The following DDX10 variants were observed in gnomAD, a reference collection of about 807,000 sequenced individuals.
DDX10 encodes the protein DEAD-box helicase 10.
In DDX10, 74 loss-of-function variants were observed where a neutral mutation model predicts 104.3. That is an observed-to-expected ratio of 0.71 (90% CI 0.59 to 0.86). DDX10 has a LOEUF of 0.86. Among genes scored for constraint, DDX10 ranks in the 40% least tolerant of loss-of-function variants. DDX10 has a pLI of 0.00. For missense variants in DDX10, 952 were observed against 1,040.0 expected (o/e 0.92, Z 1.16); for synonymous variants, 351 against 353.4 (o/e 0.99, Z 0.08).
At chr11:108,756,659 A>T (rs1736041048) in intron 13 of DDX10, among the ~76,000 whole-genome samples, 1 of 152,058 alleles carries the variant, frequency 6.6e-6, no homozygotes, top group Admixed American at 6.6e-5. Context: ...AGAGCTGTGT[A>T]TAATTTTCCG....
intron 13 of DDX10, among the ~76,000 whole-genome samples, chr11:108,765,133 T>C (rs1407042807): frequency 6.6e-6 from 1 of 152,190 alleles, no homozygotes; most frequent in African/African-American, 2.4e-5. Flanking sequence ...TAATCTACAG[T>C]AACATTATTT....
chr11:108,757,934 T>C (rs1283697819), intron 13 of DDX10, among the ~76,000 whole-genome samples: 1 of 152,100 alleles, frequency 6.6e-6, no homozygotes, highest in Admixed American at 6.6e-5. Flanking sequence ...TTCCACTTCA[T>C]TGACCTGGCA....
At chr11:108,684,139 TTC>T (rs1320773047) in intron 6 of DDX10, among the ~76,000 whole-genome samples, 2 of 85,790 alleles carry the variant, frequency 2.3e-5, no homozygotes, top group East Asian at 6.9e-4. Context: ...CTATTTCCAG[TTC>T]TTTTTTTTTT....
At chr11:108,776,034 T>A (rs566707048) in intron 13 of DDX10, among the ~76,000 whole-genome samples, 2 of 152,326 alleles carry the variant, frequency 1.3e-5, no homozygotes, top group South Asian at 2.1e-4. Context: ...TACAGCAATA[T>A]GTTTAGCTGT....
chr11:108,755,709 T>G (rs771733908), intron 13 of DDX10, among the ~76,000 whole-genome samples: 13 of 152,038 alleles, frequency 8.6e-5, no homozygotes, highest in Admixed American at 2.0e-4. Context: ...GTGAAATGGT[T>G]CACAACGTTG....
intron 13 of DDX10, among the ~76,000 whole-genome samples, chr11:108,816,634 C>T (rs919808507): frequency 1.2e-4 from 18 of 150,450 alleles, no homozygotes; most frequent in Admixed American, 8.7e-4. Flanking sequence ...CTCACTGCAA[C>T]GTCTGCCTCC....
intron 17 of DDX10, among the ~76,000 whole-genome samples, chr11:108,923,602 G>A (rs1421666075): frequency 6.6e-6 from 1 of 152,172 alleles, no homozygotes; most frequent in East Asian, 1.9e-4. Context: ...CATTAAACAG[G>A]AAACATATCT....
intron 16 of DDX10, among the ~76,000 whole-genome samples, chr11:108,916,145 G>A (rs1321617704): frequency 6.6e-6 from 1 of 152,082 alleles, no homozygotes; most frequent in East Asian, 1.9e-4. Flanking sequence ...GTGTAAAGGT[G>A]TCCTGAGACC....
At chr11:108,727,253 T>G (rs2094306437) in intron 13 of DDX10, among the ~76,000 whole-genome samples, 1 of 152,076 alleles carries the variant, frequency 6.6e-6, no homozygotes, top group South Asian at 2.1e-4. Flanking sequence ...TTTGAATCTC[T>G]TTTTGATTCC....
At chr11:108,719,742 C>G (rs768423035) in intron 11 of DDX10, 55 bp from the exon 12 acceptor site, 142 of 1,141,002 alleles carry the variant, frequency 1.2e-4, no homozygotes, top group Non-Finnish European at 1.6e-4. Flanking sequence ...ATATTTTGGT[C>G]TAAACTCATT....
At chr11:108,877,178 G>C (rs955455980) in intron 16 of DDX10, among the ~76,000 whole-genome samples, 4 of 152,124 alleles carry the variant, frequency 2.6e-5, no homozygotes, top group African/African-American at 9.7e-5. Context: ...TGTTTTTATA[G>C]ACTATATTTA....
intron 17 of DDX10, among the ~76,000 whole-genome samples, chr11:108,935,023 C>G (rs569348543): frequency 1.3e-5 from 2 of 152,090 alleles, no homozygotes; most frequent in Non-Finnish European, 2.9e-5. Flanking sequence ...TTTGAACAAC[C>G]CTAACCGTCA....
intron 13 of DDX10, among the ~76,000 whole-genome samples, chr11:108,837,916 C>T (rs1357825163): frequency 6.6e-6 from 1 of 152,108 alleles, no homozygotes. Context: ...AGCCACCATG[C>T]TCGGCCTGGA....
At chr11:108,874,047 G>A (rs957780151) in intron 16 of DDX10, among the ~76,000 whole-genome samples, 3 of 152,136 alleles carry the variant, frequency 2.0e-5, no homozygotes, top group African/African-American at 2.4e-5. Flanking sequence ...CAAGATTGCC[G>A]TGAGTCAGAA....
At chr11:108,851,013 T>A (rs1433860459) in intron 15 of DDX10, among the ~76,000 whole-genome samples, 1 of 152,194 alleles carries the variant, frequency 6.6e-6, no homozygotes, top group Admixed American at 6.5e-5. Context: ...TCTGAACTAC[T>A]TCTGTTGGTA....
At chr11:108,864,671 G>C (rs1183789161) in intron 16 of DDX10, among the ~76,000 whole-genome samples, 1 of 151,996 alleles carries the variant, frequency 6.6e-6, no homozygotes, top group East Asian at 1.9e-4. Context: ...TGTTGCCCAG[G>C]CTGGTCTCGA....
intron 3 of DDX10, among the ~76,000 whole-genome samples, 181 bp from the exon 4 acceptor site, chr11:108,676,904 A>C (rs2094226083): frequency 1.3e-5 from 2 of 151,570 alleles, no homozygotes; most frequent in Admixed American, 6.6e-5. Context: ...CTTTCCTCTG[A>C]GTTGGGGGTG....
chr11:108,692,085 A>G (rs370170694), intron 8 of DDX10, 47 bp downstream of exon 8: 11 of 1,525,604 alleles, frequency 7.2e-6, no homozygotes, highest in Non-Finnish European at 9.8e-6. Context: ...TGTGAAATGT[A>G]ATTTGCTTAT....
At chr11:108,798,351 G>A (rs1321393544) in intron 13 of DDX10, among the ~76,000 whole-genome samples, 1 of 152,016 alleles carries the variant, frequency 6.6e-6, no homozygotes, top group Non-Finnish European at 1.5e-5. Context: ...TGATTCTATA[G>A]GTAAATATAT....
Sources: gnomAD v4.1 joint callset for allele counts (sites outside exome capture counted in the v4.1 genomes callset) on GRCh38, gnomAD v4.1.1 for gene constraint, MANE v1.5 for transcripts, NCBI Gene and HGNC (gene_info 2026-07-23, HGNC 2026-07-21) for gene names.